LARP1B: variants seen among roughly 807,000 people sequenced by gnomAD.
The protein encoded by LARP1B is La ribonucleoprotein 1B.
Under a neutral mutation model 114.2 loss-of-function variants are expected in LARP1B, and 76 were observed. The ratio of observed to expected loss-of-function variants is 0.67; its 90% CI spans 0.55 to 0.81. The LOEUF is 0.81. LARP1B is among the 30% of genes least tolerant of loss of function. The pLI, the probability that LARP1B is intolerant of heterozygous loss-of-function variation, is 0.00. For missense variants in LARP1B, 1,014 were observed against 1,075.8 expected (o/e 0.94, Z 0.80); for synonymous variants, 345 against 348.0 (o/e 0.99, Z 0.10).
chr4:128,067,944 A>G (rs1006799643), intron 1 of LARP1B, among the ~76,000 whole-genome samples: 2 of 151,676 alleles, frequency 1.3e-5, no homozygotes, highest in African/African-American at 4.8e-5. Context: ...GCAGTGGCAC[A>G]ATCTCGGCTC....
Position 128,197,715 on chromosome 4 carries a change from G to GA in LARP1B, c.2004-1716dup, listed in dbSNP as rs900559052. Reference sequence around the variant, plus strand: ...CTCAAAAAAAAGAAAAACAAAGAAAGAAAAAAAACCTATTTTTTTTCATTT... The same window carrying GA: ...CTCAAAAAAAAGAAAAACAAAGAAAGAAAAAAAAACCTATTTTTTTTCATTT... On this transcript the variant is annotated intron_variant, in intron 15 of 19. Coordinates refer to ENST00000326639, the MANE Select transcript of LARP1B (RefSeq NM_018078.4). 5.9e-4 allele frequency among the ~76,000 whole-genome samples: 89 copies of GA among 151,104 alleles called. 2 individuals are homozygous for GA. Among genetic ancestry groups the GA allele is most frequent in the Middle Eastern group, 6.8e-3 (2 of 292 alleles).
At chr4:128,133,822 G>A (rs757957523) in intron 11 of LARP1B, among the ~76,000 whole-genome samples, 1 of 151,814 alleles carries the variant, frequency 6.6e-6, no homozygotes, top group Non-Finnish European at 1.5e-5. Flanking sequence ...TCAGCCTCTC[G>A]AGTAGCTGGG....
intron 19 of LARP1B, among the ~76,000 whole-genome samples, chr4:128,209,306 A>G (rs1758454565): frequency 6.6e-6 from 1 of 152,206 alleles, no homozygotes; most frequent in African/African-American, 2.4e-5. Context: ...CTCTACTCCC[A>G]GCTACTTGGG....
intron 17 of LARP1B, among the ~76,000 whole-genome samples, chr4:128,204,058 CTTTGGAATAG>C (rs1554065388): frequency 1.3e-5 from 2 of 152,088 alleles, no homozygotes; most frequent in Non-Finnish European, 2.9e-5. Flanking sequence ...TACTTTTGGT[CTTTGGAATAG>C]TTTGCTAAGA....
intron 15 of LARP1B, among the ~76,000 whole-genome samples, chr4:128,195,290 C>T (rs1356028554): frequency 3.3e-5 from 5 of 152,080 alleles, no homozygotes; most frequent in Admixed American, 1.3e-4. Flanking sequence ...TCTAAGTATT[C>T]GATATTAATT....
intron 10 of LARP1B, among the ~76,000 whole-genome samples, chr4:128,115,138 A>C (rs1206703852): frequency 6.6e-6 from 1 of 152,084 alleles, no homozygotes; most frequent in Non-Finnish European, 1.5e-5. Flanking sequence ...GGGTTTCACC[A>C]TGTTGGTCAG....
At chr4:128,075,910 A>C (rs1767650086) in intron 3 of LARP1B, among the ~76,000 whole-genome samples, 1 of 152,202 alleles carries the variant, frequency 6.6e-6, no homozygotes, top group Non-Finnish European at 1.5e-5. Context: ...TTTGTATAAA[A>C]TCACATACAT....
chr4:128,155,370 G>A (rs776337341), intron 11 of LARP1B: 3 of 574,112 alleles, frequency 5.2e-6, no homozygotes, highest in South Asian at 2.0e-5. Context: ...TGGACCACGC[G>A]GAGCCGCCAG....
At position 128,096,284 on chromosome 4, in the gene LARP1B, C is replaced by T. The variant is rs1001292181; in HGVS notation, c.669-1902C>T. ...CTGGGATTACAGGCGTGAGCCACCG[C>T]GCCCGGCCTATGGAGGCTATAATTT... On this transcript the variant is annotated intron_variant, in intron 7 of 19. Transcript: ENST00000326639. Among the ~76,000 whole-genome samples the T allele has an allele frequency of 6.6e-5, 10 of 152,070 alleles. No homozygotes were observed. In the South Asian group the frequency reaches 1.5e-3, roughly 22 times the overall value.
intron 7 of LARP1B, among the ~76,000 whole-genome samples, chr4:128,094,055 C>T (rs895074525): frequency 6.7e-6 from 1 of 149,658 alleles, no homozygotes; most frequent in Non-Finnish European, 1.5e-5. Context: ...TTGCAGTCTA[C>T]TTTTTTTTAA....
At chr4:128,108,008 G>T in intron 9 of LARP1B, 1 of 1,526,222 alleles carries the variant, frequency 6.6e-7, no homozygotes, top group South Asian at 1.2e-5. Context: ...AAAGCGATCA[G>T]ACTGTCTTCT....
intron 1 of LARP1B, chr4:128,061,971 C>G (rs969674296): frequency 2.0e-6 from 2 of 985,092 alleles, no homozygotes; most frequent in Non-Finnish European, 2.4e-6. Context: ...GCGCACAAGG[C>G]GCGTGGGCCC....
Position 128,220,040 on chromosome 4 carries a change from C to T in LARP1B, n.849-315C>T, listed in dbSNP as rs76594475. Among the ~76,000 whole-genome samples, 1,488 of 152,162 alleles carry T rather than the reference C, an allele frequency of 9.8e-3. 24 individuals are homozygous for T. The highest frequency in any genetic ancestry group is 0.033 in the African/African-American group (1,363 of 41,516). The stretch of plus-strand genomic sequence containing the variant: ...AGCTGGGATTACAGGCATGTGCCAC[C>T]ACGCCCGGCTAATTTTTTATTTTTA... On this transcript the variant is annotated intron_variant and non_coding_transcript_variant, in intron 6 of 7. Coordinates refer to the LARP1B transcript ENST00000503725.
rs1579736185 is a variant in LARP1B, at chr4:128,069,362, A to G, written c.-77-5098A>G. The G allele has an allele frequency of 2.7e-5, 21 of 770,288 alleles. No homozygotes were observed. The East Asian group carries it at 4.4e-4, about 16-fold the overall frequency. The allele number at this position is 770,288 out of a possible 1,614,324, so 47.7% of individuals were successfully genotyped here. ...GACTTTGAGCAAACTTTAGCTGGTTAACACCATGATGGACAGGCTTGCCAT... is the reference window on the plus strand; with the variant it reads ...GACTTTGAGCAAACTTTAGCTGGTTGACACCATGATGGACAGGCTTGCCAT... On this transcript the variant is annotated intron_variant, in intron 1 of 19. Transcript: ENST00000326639.
intron 9 of LARP1B, among the ~76,000 whole-genome samples, chr4:128,110,277 T>C (rs1372993841): frequency 5.9e-5 from 9 of 152,128 alleles, no homozygotes; most frequent in African/African-American, 2.2e-4. Flanking sequence ...ATTAAATATA[T>C]GTATCTAAAT....
chr4:128,062,315 C>G (rs1051499913), intron 1 of LARP1B: 7 of 973,082 alleles, frequency 7.2e-6, no homozygotes, highest in East Asian at 1.1e-4. Context: ...GCACCAGGCC[C>G]GGGTAACGGC....
intron 11 of LARP1B, among the ~76,000 whole-genome samples, chr4:128,127,689 CG>C (rs1561331097): frequency 6.6e-6 from 1 of 152,054 alleles, no homozygotes; most frequent in African/African-American, 2.4e-5. Flanking sequence ...CAAAATTAGC[CG>C]GGCATGGTGG....
At chr4:128,117,591 C>T (rs146857702) in intron 10 of LARP1B, among the ~76,000 whole-genome samples, 2,653 of 152,046 alleles carry the variant, frequency 0.017, 65 homozygotes, top group East Asian at 0.1. Context: ...ACCATGTTGG[C>T]CAGGCTGTTC....
chr4:128,071,979 G>A (rs1485597263), intron 1 of LARP1B, among the ~76,000 whole-genome samples: 3 of 142,626 alleles, frequency 2.1e-5, no homozygotes, highest in Admixed American at 7.6e-5. Context: ...TAAGGATAAC[G>A]TTTTATTATT....
Sources: gnomAD v4.1 joint callset for allele counts (sites outside exome capture counted in the v4.1 genomes callset) on GRCh38, gnomAD v4.1.1 for gene constraint, MANE v1.5 for transcripts, NCBI Gene and HGNC (gene_info 2026-07-23, HGNC 2026-07-21) for gene names.